ADARB2: variants seen among roughly 807,000 people sequenced by gnomAD.
The protein encoded by ADARB2 is inactive double-stranded RNA-specific editase B2.
In ADARB2, 25 loss-of-function variants were observed where a neutral mutation model predicts 62.2. The ratio of observed to expected loss-of-function variants is 0.40; its 90% CI spans 0.29 to 0.56. The LOEUF (loss-of-function observed/expected upper bound fraction) is 0.56, where lower values mean the gene tolerates loss of function less well. Among genes scored for constraint, ADARB2 ranks in the 20% least tolerant of loss-of-function variants. ADARB2 has a pLI of 0.43. For missense variants in ADARB2, 1,071 were observed against 1,077.4 expected (o/e 0.99, Z 0.08); for synonymous variants, 572 against 500.8 (o/e 1.14, Z -1.90).
At chr10:1,416,496 C>T (rs1220882091) in intron 1 of ADARB2, among the ~76,000 whole-genome samples, 1 of 152,186 alleles carries the variant, frequency 6.6e-6, no homozygotes, top group Non-Finnish European at 1.5e-5. Context: ...TTGGCAGGCC[C>T]CTGTGGGTCT....
At chr10:1,372,551 G>A (rs1021285241) in intron 2 of ADARB2, among the ~76,000 whole-genome samples, 9 of 152,152 alleles carry the variant, frequency 5.9e-5, no homozygotes, top group Non-Finnish European at 1.0e-4. Context: ...GAAAGACACT[G>A]TAAGCTGCCA....
At chr10:1,627,369 T>C (rs890259221) in intron 1 of ADARB2, among the ~76,000 whole-genome samples, 6 of 152,132 alleles carry the variant, frequency 3.9e-5, no homozygotes, top group Non-Finnish European at 8.8e-5. Flanking sequence ...CTCCATTCTT[T>C]CTCTTGATTG....
intron 3 of ADARB2, among the ~76,000 whole-genome samples, chr10:1,332,450 GTAGA>G (rs562837648): frequency 5.4e-5 from 8 of 146,968 alleles, no homozygotes; most frequent in African/African-American, 2.0e-4. Flanking sequence ...AAATAAAAGA[GTAGA>G]TAGACTGGCT....
chr10:1,488,230 A>AAAAAAT (rs1384033847), intron 1 of ADARB2, among the ~76,000 whole-genome samples: 12 of 152,096 alleles, frequency 7.9e-5, no homozygotes, highest in African/African-American at 2.7e-4. Flanking sequence ...GCAAAGAAAA[A>AAAAAAT]AAAAAAGGAT....
At chr10:1,553,091 C>T (rs977269527) in intron 1 of ADARB2, among the ~76,000 whole-genome samples, 4 of 148,220 alleles carry the variant, frequency 2.7e-5, no homozygotes, top group Admixed American at 2.7e-4. Flanking sequence ...CTGGGAGCAC[C>T]GCGTCCTCGC....
Position 1,375,081 on chromosome 10 carries a change from G to A in ADARB2, c.187+3993C>T, listed in dbSNP as rs112068728. ...TCGTCACGCAGGACCCCATGGGGCT[G>A]GGCCTGTGGTGCATGGGACTCAGGA... On this transcript the variant is annotated intron_variant, in intron 2 of 9. Transcript: ENST00000381312. Among the ~76,000 whole-genome samples, 920 of 152,262 alleles carry A rather than the reference G, an allele frequency of 6.0e-3. 10 individuals are homozygous for A. The highest frequency in any genetic ancestry group is 0.02 in the African/African-American group (847 of 41,550).
intron 3 of ADARB2, chr10:1,292,617 T>C (rs1331692164): frequency 6.6e-6 from 1 of 152,218 alleles, no homozygotes; most frequent in African/African-American, 2.4e-5. Flanking sequence ...GAAATCTTGC[T>C]GGGTCTTGTC....
At chr10:1,660,182 G>A (rs907222418) in intron 1 of ADARB2, among the ~76,000 whole-genome samples, 2 of 152,222 alleles carry the variant, frequency 1.3e-5, no homozygotes, top group African/African-American at 4.8e-5. Flanking sequence ...AGTGGAGCAT[G>A]CAGAATAGAA....
At chr10:1,430,441 A>G (rs1830767064) in intron 1 of ADARB2, among the ~76,000 whole-genome samples, 1 of 152,244 alleles carries the variant, frequency 6.6e-6, no homozygotes, top group Non-Finnish European at 1.5e-5. Flanking sequence ...AAAGACAGAG[A>G]TTGGCTGAGT....
In ADARB2 at chr10:1,557,927, A is replaced by AAAAAC. The variant is rs150093757; in HGVS notation, c.101-178772_101-178768dup. ...TGCACAGCAGAGGGAGACCCTATCT[A>AAAAAC]AAAACAAAACAAAACAAAACAAAAT... On this transcript the variant is annotated intron_variant, in intron 1 of 9. Coordinates refer to ENST00000381312, the MANE Select transcript of ADARB2 (RefSeq NM_018702.4). Among the ~76,000 whole-genome samples, 317 of 149,748 alleles carry AAAAAC rather than the reference A, an allele frequency of 2.1e-3. 2 individuals carry two copies. The highest frequency in any genetic ancestry group is 7.6e-3 in the African/African-American group (302 of 39,662).
chr10:1,393,728 A>G (rs1226586291), intron 1 of ADARB2, among the ~76,000 whole-genome samples: 2 of 152,232 alleles, frequency 1.3e-5, no homozygotes, highest in Non-Finnish European at 2.9e-5. Context: ...CAACACAGAC[A>G]CACACCAGAT....
In ADARB2 at chr10:1,471,420, C is replaced by T. The variant is rs1321599656; in HGVS notation, c.101-92260G>A. 5.3e-5 allele frequency among the ~76,000 whole-genome samples: 8 copies of T among 151,430 alleles called. 1 individual carries two copies. In the South Asian group the frequency reaches 1.3e-3, roughly 24 times the overall value. ...TTTTTTTTTTTTTGAGATGGAGTTT[C>T]GCTCTTGTTGCCCAGGCTGGAGTGC... On this transcript the variant is annotated intron_variant, in intron 1 of 9. Transcript: ENST00000381312.
At position 1,737,133 on chromosome 10, in the gene ADARB2, C is replaced by T; in HGVS notation, c.18G>A (p.Gly6=). The change falls in exon 1 of 10, where the codon GGG becomes GGA. Residue 6 remains glycine, a synonymous_variant. Coordinates refer to ENST00000381312, the MANE Select transcript of ADARB2 (RefSeq NM_018702.4). Reference sequence around the variant, plus strand: ...TCAGCCCTCCAGACCCTCTGCCGCTCCCCAGGACCGAGGCCATGGCCGAGA... The same window carrying T: ...TCAGCCCTCCAGACCCTCTGCCGCTTCCCAGGACCGAGGCCATGGCCGAGA... MASVL[G]SGRGSGGLSS... 6.2e-7 allele frequency: 1 copy of T among 1,609,022 alleles called. No homozygotes were observed. Among genetic ancestry groups the T allele is most frequent in the Non-Finnish European group, 8.5e-7 (1 of 1,179,878 alleles).
chr10:1,697,259 C>T (rs974952708), intron 1 of ADARB2, among the ~76,000 whole-genome samples: 10 of 152,102 alleles, frequency 6.6e-5, no homozygotes, highest in Admixed American at 1.3e-4. Context: ...GCCTCTCTTC[C>T]GAAAGGAAAA....
chr10:1,348,930 T>C (rs1832107523), intron 3 of ADARB2, among the ~76,000 whole-genome samples: 2 of 151,992 alleles, frequency 1.3e-5, no homozygotes, highest in East Asian at 3.9e-4. Context: ...GCGAGAACGA[T>C]GGAAAGAGGC....
intron 3 of ADARB2, among the ~76,000 whole-genome samples, chr10:1,329,646 C>A (rs1831909474): frequency 6.6e-6 from 1 of 152,208 alleles, no homozygotes; most frequent in South Asian, 2.1e-4. Context: ...CTAGAGGGTT[C>A]ATTAATCCCT....
At chr10:1,559,145 G>C (rs1832754087) in intron 1 of ADARB2, among the ~76,000 whole-genome samples, 1 of 152,214 alleles carries the variant, frequency 6.6e-6, no homozygotes, top group Non-Finnish European at 1.5e-5. Context: ...GCTCAAGAGA[G>C]AATGATGTGG....
Position 1,601,243 on chromosome 10 carries a change from G to A in ADARB2, c.100+135808C>T, listed in dbSNP as rs369519564. Among the ~76,000 whole-genome samples, 8 of 152,324 alleles carry A rather than the reference G, an allele frequency of 5.3e-5. 1 individual carries two copies. The East Asian group carries it at 7.7e-4, about 15-fold the overall frequency. On this transcript the variant is annotated intron_variant, in intron 1 of 9. Coordinates refer to ENST00000381312, the MANE Select transcript of ADARB2 (RefSeq NM_018702.4). ...GCTTCCCTAGGTTTTTGTGAAGCCTGTGAGTGGTCACTGGAGCCCAGGCGT... is the reference window on the plus strand; with the variant it reads ...GCTTCCCTAGGTTTTTGTGAAGCCTATGAGTGGTCACTGGAGCCCAGGCGT...
chr10:1,708,033 C>A (rs1314551522), intron 1 of ADARB2, among the ~76,000 whole-genome samples: 1 of 152,184 alleles, frequency 6.6e-6, no homozygotes, highest in Non-Finnish European at 1.5e-5. Context: ...GAAAATGACA[C>A]GGTAGCTTGT....
Sources: gnomAD v4.1 joint callset for allele counts (sites outside exome capture counted in the v4.1 genomes callset) on GRCh38, gnomAD v4.1.1 for gene constraint, MANE v1.5 for transcripts, NCBI Gene and HGNC (gene_info 2026-07-23, HGNC 2026-07-21) for gene names.